STRIP2: variants seen among roughly 807,000 people sequenced by gnomAD.
STRIP2 encodes striatin interacting protein 2, also known as striatin-interacting protein 2.
Under a neutral mutation model 107.1 loss-of-function variants are expected in STRIP2, and 84 were observed. That is an observed-to-expected ratio of 0.78 (90% CI 0.66 to 0.94). The LOEUF (loss-of-function observed/expected upper bound fraction) is 0.94, where lower values mean the gene tolerates loss of function less well. Among genes scored for constraint, STRIP2 ranks in the 40% least tolerant of loss-of-function variants. STRIP2 has a pLI of 0.00. For synonymous variants in STRIP2, 394 were observed against 400.4 expected, an observed-to-expected ratio of 0.98 and a Z score of 0.19; for missense variants, 888 against 1,034.2, an observed-to-expected ratio of 0.86 and a Z score of 1.94.
At chr7:129,475,637 C>T (rs1339954282) in intron 18 of STRIP2, among the ~76,000 whole-genome samples, 1 of 141,296 alleles carries the variant, frequency 7.1e-6, no homozygotes, top group Non-Finnish European at 1.5e-5. Context: ...GGTCATAGGA[C>T]AATAGTGGAG....
intron 16 of STRIP2, among the ~76,000 whole-genome samples, chr7:129,466,095 T>G (rs1171242846): frequency 6.6e-6 from 1 of 152,088 alleles, no homozygotes; most frequent in Non-Finnish European, 1.5e-5. Context: ...GTGTTTCTAG[T>G]GGAAAGAGAA....
chr7:129,486,943 C>G lies in STRIP2; in HGVS notation c.*1114C>G, dbSNP rs28533555. ...TCTTTTACAGCAGAATCACATACTT[C>G]TCAAGATAAACAAGGTTTTTAAAAA... is the stretch of plus-strand genomic sequence containing the variant. On this transcript the variant is annotated 3_prime_UTR_variant, in exon 21 of 21. Transcript: ENST00000249344. 6.9e-6 allele frequency: 1 copy of G among 145,764 alleles called. No homozygotes were observed. Among genetic ancestry groups the G allele is most frequent in the Non-Finnish European group, 1.5e-5 (1 of 66,938 alleles). The allele number at this position is 145,764 out of a possible 1,614,324, so 9.0% of individuals were successfully genotyped here.
At chr7:129,444,188 C>T (rs1036041891) in intron 3 of STRIP2, 90 bp downstream of exon 3, 1 of 854,596 alleles carries the variant, frequency 1.2e-6, no homozygotes, top group Non-Finnish European at 1.9e-6. Context: ...AAAGTGCGAT[C>T]CTTCATCCCC....
At chr7:129,444,762 T>G (rs1417936809) in intron 3 of STRIP2, among the ~76,000 whole-genome samples, 1 of 152,056 alleles carries the variant, frequency 6.6e-6, no homozygotes, top group Non-Finnish European at 1.5e-5. Context: ...AAGGATAACA[T>G]AAATATCCTT....
chr7:129,451,365 GAC>G (rs1798186982), intron 3 of STRIP2, among the ~76,000 whole-genome samples: 7 of 152,360 alleles, frequency 4.6e-5, no homozygotes, highest in Admixed American at 3.9e-4. Flanking sequence ...AAGGCAGAAA[GAC>G]AGGACAGTAT....
At chr7:129,477,368 A>G (rs1306098887) in intron 18 of STRIP2, among the ~76,000 whole-genome samples, 1 of 152,230 alleles carries the variant, frequency 6.6e-6, no homozygotes, top group East Asian at 1.9e-4. Flanking sequence ...TAAAGTATAT[A>G]TCCACTTTCC....
chr7:129,477,894 C>T, intron 18 of STRIP2: 1 of 509,288 alleles, frequency 2.0e-6, no homozygotes, highest in Non-Finnish European at 4.0e-6. Context: ...GCTCACCCTC[C>T]TGAGTTGAAA....
rs929333416 is a variant in STRIP2, at chr7:129,461,692, A to G, written c.1477-1274A>G. Among the ~76,000 whole-genome samples the G allele has an allele frequency of 1.3e-4, 20 of 152,212 alleles. 1 individual carries two copies. The highest frequency in any genetic ancestry group is 3.9e-4 in the African/African-American group (16 of 41,446). ...ACCTTGATAAGAACAACTCTAAGTG[A>G]AGTAGTGGGACTGAAAGCCTAATTG... On this transcript the variant is annotated intron_variant, in intron 13 of 20. Transcript: ENST00000249344. This position sits in a 1 kb window ranked among gnomAD's most constrained non-coding sequence, Gnocchi z 4.0.
In STRIP2 at chr7:129,485,817, C is replaced by G. The variant is rs1799233452; in HGVS notation, c.2493C>G (p.Leu831=). Residue 831 remains leucine, a synonymous_variant, in exon 21 of 21, where the codon CTC becomes CTG. Transcript: ENST00000249344. The stretch of plus-strand genomic sequence containing the variant: ...AGCCCATCTGTTGGGAGGAGCTGCT[C>G]CAGAATCACTGACTAAGTTCTTGTC... ...FSQPICWEEL[L]QNH 1.2e-6 allele frequency: 2 copies of G among 1,613,760 alleles called. No individual in the cohort carries two copies. The highest frequency in any genetic ancestry group is 1.7e-6 in the Non-Finnish European group (2 of 1,180,022).
intron 9 of STRIP2, chr7:129,457,978 T>C (rs1309048694): frequency 5.6e-6 from 3 of 532,446 alleles, no homozygotes; most frequent in Non-Finnish European, 6.8e-6. Flanking sequence ...ATTGTGACTT[T>C]GGGATTATCT....
intron 18 of STRIP2, among the ~76,000 whole-genome samples, chr7:129,475,225 A>G (rs560817848): frequency 3.9e-4 from 56 of 144,070 alleles, no homozygotes; most frequent in African/African-American, 1.3e-3. Context: ...AATGCTTAGC[A>G]TCTGAATGGT....
rs1239165223 is a variant in STRIP2, at chr7:129,458,941, C to CT, written c.1340+170dup. Among the ~76,000 whole-genome samples, 2 of 152,184 alleles carry CT rather than the reference C, an allele frequency of 1.3e-5. No homozygotes were observed. The highest frequency in any genetic ancestry group is 4.8e-5 in the African/African-American group (2 of 41,442). On this transcript the variant is annotated intron_variant, in intron 11 of 20. Transcript: ENST00000249344. The surrounding 1 kb of genome is among the most constrained non-coding windows in gnomAD (Gnocchi z 4.6). Reference sequence around the variant, plus strand: ...TACTTTGGGTTCTTTCTATGGATTTCTTTTTTCCTTGAGTTTCTTCCACTT... The same window carrying CT: ...TACTTTGGGTTCTTTCTATGGATTTCTTTTTTTCCTTGAGTTTCTTCCACTT...
Position 129,454,213 on chromosome 7 carries a change from G to A in STRIP2, c.599+3G>A. 6.2e-7 allele frequency: 1 copy of A among 1,614,090 alleles called. No individual in the cohort carries two copies. The highest frequency in any genetic ancestry group is 8.5e-7 in the Non-Finnish European group (1 of 1,179,980). The stretch of plus-strand genomic sequence containing the variant: ...ATAGCTGATAGCACAGAGCTCAGGT[G>A]AGTGGGGCTAACTATGGGCTTGGAA... On this transcript the variant is annotated splice_donor_region_variant and intron_variant, in intron 6 of 20. Coordinates refer to ENST00000249344, the MANE Select transcript of STRIP2 (RefSeq NM_020704.3).
At chr7:129,482,803 A>G (rs1354345591) in intron 19 of STRIP2, 39 bp from the exon 20 acceptor site, 2 of 1,602,484 alleles carry the variant, frequency 1.2e-6, no homozygotes, top group African/African-American at 2.7e-5. Context: ...AATTCCAAGA[A>G]ACGTTAGATC....
At chr7:129,448,235 A>C (rs1798089581) in intron 3 of STRIP2, among the ~76,000 whole-genome samples, 1 of 152,136 alleles carries the variant, frequency 6.6e-6, no homozygotes, top group Non-Finnish European at 1.5e-5. Context: ...CCCCTACTTT[A>C]ACTGGAGGAC....
Position 129,458,357 on chromosome 7 carries a change from A to G in STRIP2, c.1181A>G (p.Gln394Arg). 6.2e-7 allele frequency: 1 copy of G among 1,614,138 alleles called. No individual in the cohort carries two copies. The highest frequency in any genetic ancestry group is 8.5e-7 in the Non-Finnish European group (1 of 1,180,004). Residue 394 changes from glutamine to arginine, a missense_variant, in exon 10 of 21, where the codon CAG becomes CGG. Coordinates refer to ENST00000249344, the MANE Select transcript of STRIP2 (RefSeq NM_020704.3). This position sits in a 1 kb window ranked among gnomAD's most constrained non-coding sequence, Gnocchi z 4.6. ...GATGGAGAGCTAGACCTGCTAGAGC[A>G]GGACCCTCTGGTGCCACCTCCACCC... Reference protein sequence around the residue: ...TLDGELDLLEQDPLVPPPPSQ... With the variant: ...TLDGELDLLERDPLVPPPPSQ...
intron 2 of STRIP2, among the ~76,000 whole-genome samples, chr7:129,441,333 G>A (rs1418070967): frequency 3.3e-5 from 5 of 152,042 alleles, no homozygotes; most frequent in East Asian, 1.9e-4. Flanking sequence ...TTGAAGATGT[G>A]CACATATTGT....
rs918060436 is a variant in STRIP2, at chr7:129,486,118, T to C, written c.*289T>C. 5.9e-6 allele frequency: 2 copies of C among 338,496 alleles called. No individual in the cohort carries two copies. Among genetic ancestry groups the C allele is most frequent in the African/African-American group, 4.1e-5 (2 of 48,620 alleles). 21.0% of individuals were successfully genotyped at this position (338,496 alleles called of 1,614,324 possible). ...TCTTGGCTACAACCAGGCTAGACTTTGCTGGCTCTAAAAGAGGAAATTTGT... is the reference window on the plus strand; with the variant it reads ...TCTTGGCTACAACCAGGCTAGACTTCGCTGGCTCTAAAAGAGGAAATTTGT... On this transcript the variant is annotated 3_prime_UTR_variant, in exon 21 of 21. Coordinates refer to ENST00000249344, the MANE Select transcript of STRIP2 (RefSeq NM_020704.3).
chr7:129,463,538 C>G (rs893134919), intron 14 of STRIP2, among the ~76,000 whole-genome samples: 3 of 152,008 alleles, frequency 2.0e-5, no homozygotes, highest in Non-Finnish European at 4.4e-5. Context: ...CTCTGTCGCC[C>G]AGGCTGGAGT....
Sources: gnomAD v4.1 joint callset for allele counts (sites outside exome capture counted in the v4.1 genomes callset) on GRCh38, gnomAD v4.1.1 for gene constraint, Gnocchi (gnomAD v3.1) non-coding constraint, MANE v1.5 for transcripts, NCBI Gene and HGNC (gene_info 2026-07-23, HGNC 2026-07-21) for gene names.